Variants in KLF17 observed in about 807,000 individuals in gnomAD.
KLF17 encodes the protein KLF transcription factor 17.
In KLF17, 31 loss-of-function variants were observed where a neutral mutation model predicts 34.2. The observed-to-expected ratio is 0.91, with a 90% CI of 0.68 to 1.22. The LOEUF is 1.22. Among genes scored for constraint, KLF17 ranks in the 50% most tolerant of loss-of-function variants. The pLI, the probability that KLF17 is intolerant of heterozygous loss-of-function variation, is 0.00. For synonymous variants in KLF17, 179 were observed against 186.7 expected (o/e 0.96, Z 0.34); for missense variants, 478 against 505.2 (o/e 0.95, Z 0.52).
chr1:44,099,506 G>A, the KLF17 span, among the ~76,000 whole-genome samples: 1 of 151,672 alleles, frequency 6.6e-6, no homozygotes, highest in East Asian at 2.0e-4. Flanking sequence ...TGGGCCAGGT[G>A]CAGTGGCTCA....
chr1:44,099,858 A>AAAGAAAGG, the KLF17 span, among the ~76,000 whole-genome samples: 1 of 60,044 alleles, frequency 1.7e-5, no homozygotes, highest in East Asian at 4.9e-4. Context: ...AGAAAGAAAG[A>AAAGAAAGG]AAGAAAGAAA....
intron 1 of KLF17, chr1:44,122,644 G>T: frequency 1.6e-6 from 1 of 607,564 alleles, no homozygotes; most frequent in Admixed American, 2.5e-5. Flanking sequence ...CCCCAGGCTG[G>T]AGTGCAGTGG....
chr1:44,090,815 G>A, the KLF17 span, among the ~76,000 whole-genome samples: 1 of 152,056 alleles, frequency 6.6e-6, no homozygotes, highest in African/African-American at 2.4e-5. Flanking sequence ...GCTATAACCA[G>A]TGAGTACCCA....
At chr1:44,103,899 G>C in the KLF17 span, 9 of 812,440 alleles carry the variant, frequency 1.1e-5, no homozygotes, top group Admixed American at 1.7e-5. Context: ...GTGCCTCCCA[G>C]CCAGCGCCTG....
At chr1:44,045,889 AATCACACAT>A in the KLF17 span, 33,769 of 151,822 alleles carry the variant, frequency 0.22, 4,389 homozygotes, top group Non-Finnish European at 0.29. Flanking sequence ...AGCAACACAG[AATCACACAT>A]ATCACACATA....
chr1:44,055,907 T>G, the KLF17 span, among the ~76,000 whole-genome samples: 1 of 152,200 alleles, frequency 6.6e-6, no homozygotes, highest in African/African-American at 2.4e-5. Flanking sequence ...GTTAATGAGA[T>G]AGTAGTCCCA....
At chr1:44,103,871 A>G in the KLF17 span, 8 of 785,704 alleles carry the variant, frequency 1.0e-5, no homozygotes, top group Non-Finnish European at 1.8e-5. Flanking sequence ...CAGTCTTTGT[A>G]TGCTGCACGT....
chr1:44,076,049 C>G, the KLF17 span: 2 of 152,160 alleles, frequency 1.3e-5, no homozygotes, highest in African/African-American at 4.8e-5. Context: ...ACTTCATGTG[C>G]CTTCTCAGAT....
the KLF17 span, chr1:44,076,641 CTT>C: frequency 6.6e-6 from 1 of 151,892 alleles, no homozygotes; most frequent in African/African-American, 2.4e-5. Flanking sequence ...GGTTGGCTAA[CTT>C]TTCCTATGTT....
the KLF17 span, among the ~76,000 whole-genome samples, chr1:44,108,957 G>T: frequency 6.6e-6 from 1 of 152,094 alleles, no homozygotes; most frequent in African/African-American, 2.4e-5. Flanking sequence ...ATGAGCCACC[G>T]CACCCAGCCT....
intron 1 of KLF17, among the ~76,000 whole-genome samples, chr1:44,120,252 G>T (rs564991148): frequency 2.6e-5 from 4 of 152,346 alleles, no homozygotes; most frequent in Non-Finnish European, 4.4e-5. Context: ...TCAAACAATA[G>T]GTAGCTGGAA....
chr1:44,101,186 C>G, the KLF17 span, among the ~76,000 whole-genome samples: 1 of 152,134 alleles, frequency 6.6e-6, no homozygotes, highest in African/African-American at 2.4e-5. Context: ...CTCTATCTAC[C>G]TACCTACCTA....
the KLF17 span, among the ~76,000 whole-genome samples, chr1:44,059,202 A>G: frequency 1.3e-5 from 2 of 152,330 alleles, no homozygotes; most frequent in African/African-American, 4.8e-5. Flanking sequence ...ACACTCAGCC[A>G]GAGGTGGTAA....
intron 1 of KLF17, among the ~76,000 whole-genome samples, chr1:44,127,642 C>CTTTTCTTTTCTTTTCT (rs749639168): frequency 1.4e-4 from 7 of 48,528 alleles, no homozygotes; most frequent in African/African-American, 6.8e-4. Context: ...TTCTTTCCTT[C>CTTTTCTTTTCTTTTCT]TTTCTTTCTT....
chr1:44,069,512 G>GAGAGAGA, the KLF17 span, among the ~76,000 whole-genome samples: 516 of 114,474 alleles, frequency 4.5e-3, 10 homozygotes, highest in East Asian at 8.3e-3. The surrounding 1 kb of genome is among the most constrained non-coding windows in gnomAD (Gnocchi z 4.7). Flanking sequence ...GAGAGAGAGA[G>GAGAGAGA]AAGACAGGAG....
the KLF17 span, among the ~76,000 whole-genome samples, chr1:44,080,713 A>ATTTTTT: frequency 1.2e-4 from 11 of 92,676 alleles, no homozygotes; most frequent in African/African-American, 2.9e-4. Flanking sequence ...ATTATATTGA[A>ATTTTTT]TTTTTTTTTT....
At chr1:44,126,509 A>G (rs1187511702) in intron 1 of KLF17, among the ~76,000 whole-genome samples, 1 of 152,230 alleles carries the variant, frequency 6.6e-6, no homozygotes, top group African/African-American at 2.4e-5. Flanking sequence ...CATTGTTCCA[A>G]AAAACTTATA....
the KLF17 span, among the ~76,000 whole-genome samples, chr1:44,105,885 C>T: frequency 4.4e-3 from 666 of 152,176 alleles, 5 homozygotes; most frequent in African/African-American, 0.015. Context: ...CCTCTGCAGC[C>T]AGGTTCAGTG....
chr1:44,069,497 AGAGAGAGAGAGAGAG>A, the KLF17 span, among the ~76,000 whole-genome samples: 27 of 146,020 alleles, frequency 1.8e-4, no homozygotes, highest in African/African-American at 6.8e-4. This position sits in a 1 kb window ranked among gnomAD's most constrained non-coding sequence, Gnocchi z 4.7. Context: ...AGAGAGAGAG[AGAGAGAGAGAGAGAG>A]AAGACAGGAG....
Sources: allele counts gnomAD v4.1 joint callset (sites outside exome capture counted in the v4.1 genomes callset), GRCh38; gene constraint gnomAD v4.1.1; non-coding constraint Gnocchi (gnomAD v3.1); transcripts MANE v1.5; gene names NCBI Gene and HGNC (gene_info 2026-07-23, HGNC 2026-07-21).